Variants in NAV2 observed in about 807,000 individuals in gnomAD.
NAV2 encodes neuron navigator 2.
A neutral mutation model predicts 223.2 loss-of-function variants in NAV2; 54 were observed. The observed-to-expected ratio is 0.24, with a 90% CI of 0.19 to 0.30. The LOEUF is 0.30. NAV2 is among the 10% of genes least tolerant of loss of function. The pLI is 1.00. For synonymous variants in NAV2, 1,279 were observed against 1,239.3 expected (o/e 1.03, Z -0.67); for missense variants, 2,806 against 3,147.5 (o/e 0.89, Z 2.60).
chr11:19,612,488 C>A (rs1328283766), intron 1 of NAV2, among the ~76,000 whole-genome samples: 1 of 152,210 alleles, frequency 6.6e-6, no homozygotes, highest in East Asian at 1.9e-4. Context: ...GTACCCAAGT[C>A]ACCTCTTGAA....
chr11:19,692,022 T>C (rs780561827), intron 1 of NAV2, among the ~76,000 whole-genome samples: 2 of 152,210 alleles, frequency 1.3e-5, no homozygotes, highest in African/African-American at 4.8e-5. Flanking sequence ...AGGCCAGCCA[T>C]TGACCATGAG....
intron 10 of NAV2, among the ~76,000 whole-genome samples, chr11:19,972,658 C>T (rs1188748109): frequency 6.6e-6 from 1 of 152,184 alleles, no homozygotes; most frequent in Non-Finnish European, 1.5e-5. Flanking sequence ...GCCTGGCAGA[C>T]ACCTTCAAGA....
chr11:19,649,756 ACAAT>A (rs541019397), intron 1 of NAV2, among the ~76,000 whole-genome samples: 260 of 152,346 alleles, frequency 1.7e-3, no homozygotes, highest in Non-Finnish European at 2.8e-3. Flanking sequence ...TAATAAGAAA[ACAAT>A]CAATGCAATT....
intron 6 of NAV2, among the ~76,000 whole-genome samples, chr11:19,926,497 C>T (rs528306052): frequency 3.3e-5 from 5 of 152,278 alleles, no homozygotes; most frequent in Admixed American, 3.3e-4. Flanking sequence ...AGCCAGGCTC[C>T]AAGAACCTTG....
At chr11:20,022,260 G>T (rs2054571814) in intron 11 of NAV2, among the ~76,000 whole-genome samples, 1 of 152,154 alleles carries the variant, frequency 6.6e-6, no homozygotes, top group South Asian at 2.1e-4. Context: ...AGTTCTTTCT[G>T]AGTGCCTTGA....
At chr11:19,428,369 CA>C (rs1850917559) in intron 1 of NAV2, among the ~76,000 whole-genome samples, 1 of 152,152 alleles carries the variant, frequency 6.6e-6, no homozygotes, top group South Asian at 2.1e-4. Flanking sequence ...GAAATTTTGC[CA>C]GCTGCAAAGT....
intron 1 of NAV2, among the ~76,000 whole-genome samples, chr11:19,525,763 CA>C (rs1565016332): frequency 1.3e-5 from 2 of 152,084 alleles, no homozygotes; most frequent in Admixed American, 1.3e-4. Context: ...ATCTAGGAGA[CA>C]AAAAATGCCT....
chr11:19,984,077 C>T, intron 10 of NAV2, 48 bp from the exon 11 acceptor site: 6 of 1,612,464 alleles, frequency 3.7e-6, no homozygotes, highest in Non-Finnish European at 5.1e-6. Context: ...AGCCTGGAAG[C>T]CACTTGCTTT....
intron 1 of NAV2, among the ~76,000 whole-genome samples, chr11:19,654,826 CATG>C (rs2048073188): frequency 6.6e-6 from 1 of 152,200 alleles, no homozygotes. Context: ...AGGACATAGG[CATG>C]GGCAAGGACT....
At chr11:19,994,806 C>T (rs72918712) in intron 11 of NAV2, among the ~76,000 whole-genome samples, 40 of 152,296 alleles carry the variant, frequency 2.6e-4, no homozygotes, top group Non-Finnish European at 2.5e-4. Context: ...GGCTGTCTCT[C>T]CTCAGCCAGT....
chr11:20,036,269 A>G (rs781669075), intron 12 of NAV2, among the ~76,000 whole-genome samples, 172 bp downstream of exon 12: 9 of 152,196 alleles, frequency 5.9e-5, no homozygotes, highest in Admixed American at 2.6e-4. Context: ...TGTGTCCACA[A>G]GGGAGGGGTC....
intron 1 of NAV2, among the ~76,000 whole-genome samples, chr11:19,487,493 T>C (rs2042482586): frequency 6.6e-6 from 1 of 152,142 alleles, no homozygotes; most frequent in Admixed American, 6.5e-5. Context: ...GTGACAGAGA[T>C]GGGATGTCAC....
At chr11:19,436,254 T>A (rs1177639505) in intron 1 of NAV2, among the ~76,000 whole-genome samples, 1 of 152,192 alleles carries the variant, frequency 6.6e-6, no homozygotes, top group Non-Finnish European at 1.5e-5. Flanking sequence ...TTCTTATATA[T>A]GGCATAAGTC....
At chr11:19,932,257 A>AAAAAG (rs1555153008) in intron 6 of NAV2, among the ~76,000 whole-genome samples, 1,873 of 99,942 alleles carry the variant, frequency 0.019, 8 homozygotes, top group East Asian at 0.034. Context: ...AAAAAAAAAA[A>AAAAAG]AAAGAAAGAA....
chr11:19,860,591 C>T (rs1198672325), intron 3 of NAV2, among the ~76,000 whole-genome samples: 17 of 150,358 alleles, frequency 1.1e-4, no homozygotes, highest in South Asian at 4.2e-4. Flanking sequence ...AGACGATGGG[C>T]GGCCAGGCAG....
At chr11:19,478,099 T>TA (rs1234645864) in intron 1 of NAV2, among the ~76,000 whole-genome samples, 4 of 152,260 alleles carry the variant, frequency 2.6e-5, no homozygotes, top group Admixed American at 2.0e-4. Context: ...CTATATATGT[T>TA]AAAAAAATGT....
intron 6 of NAV2, among the ~76,000 whole-genome samples, chr11:19,924,648 C>A (rs2044578545): frequency 6.6e-6 from 1 of 152,050 alleles, no homozygotes. Flanking sequence ...TTAAGTGACC[C>A]AGTAGAGAGC....
At chr11:19,687,432 A>C (rs956774015) in intron 1 of NAV2, among the ~76,000 whole-genome samples, 2 of 152,236 alleles carry the variant, frequency 1.3e-5, no homozygotes, top group Non-Finnish European at 2.9e-5. Flanking sequence ...TTATACATGA[A>C]TTATCTCAAA....
intron 29 of NAV2, among the ~76,000 whole-genome samples, chr11:20,094,223 C>CTTTTTT (rs61099684): frequency 1.8e-3 from 161 of 88,440 alleles, no homozygotes; most frequent in East Asian, 3.1e-3. Flanking sequence ...TTTTCTTTAT[C>CTTTTTT]TTTTTTTTTT....
Sources: allele counts gnomAD v4.1 joint callset (sites outside exome capture counted in the v4.1 genomes callset), GRCh38; gene constraint gnomAD v4.1.1; transcripts MANE v1.5; gene names NCBI Gene and HGNC (gene_info 2026-07-23, HGNC 2026-07-21).